Variants in GATB observed in about 807,000 individuals in gnomAD.
GATB encodes glutamyl-tRNA amidotransferase subunit B.
Under a neutral mutation model 62.3 loss-of-function variants are expected in GATB, and 39 were observed. The ratio of observed to expected loss-of-function variants is 0.63; its 90% CI spans 0.48 to 0.82. The LOEUF (loss-of-function observed/expected upper bound fraction) is 0.82, where lower values mean the gene tolerates loss of function less well. Ranked by LOEUF, GATB falls within the 40% of genes least tolerant of loss-of-function variation. The probability of loss-of-function intolerance (pLI) is 0.00; values close to 1 mark genes in which losing one functional copy is unlikely to be tolerated. For missense variants in GATB, 670 were observed against 684.0 expected (o/e 0.98, Z 0.23); for synonymous variants, 276 against 258.9 (o/e 1.07, Z -0.63).
At chr4:151,707,298 C>CT (rs930017253) in intron 6 of GATB, among the ~76,000 whole-genome samples, 24 of 151,422 alleles carry the variant, frequency 1.6e-4, no homozygotes, top group African/African-American at 4.1e-4. Context: ...ATGTAATTTT[C>CT]TTTTTTTTTC....
Position 151,697,912 on chromosome 4 carries a change from AC to A in GATB, c.1197+3416del, listed in dbSNP as rs1254674455. 2.6e-3 allele frequency among the ~76,000 whole-genome samples: 350 copies of A among 137,250 alleles called. 4 individuals are homozygous for A. Among genetic ancestry groups the A allele is most frequent in the African/African-American group, 8.8e-3 (302 of 34,144 alleles). The allele number at this position is 137,250 out of a possible 152,430, so 90.0% of individuals were successfully genotyped here. A position where few individuals can be genotyped will look rare whatever the true frequency, so the allele number is the denominator to read the frequency against. On this transcript the variant is annotated intron_variant, in intron 9 of 12. Coordinates refer to ENST00000263985, the MANE Select transcript of GATB (RefSeq NM_004564.3). The stretch of plus-strand genomic sequence containing the variant: ...GAGACTCCGTCTCAAAAACAAACAA[AC>A]AAACAAAAATCGATTTCATATATAT...
chr4:151,705,567 T>A (rs1040408718), intron 6 of GATB, among the ~76,000 whole-genome samples: 1 of 152,120 alleles, frequency 6.6e-6, no homozygotes, highest in Non-Finnish European at 1.5e-5. Flanking sequence ...CTGGGCCCAA[T>A]ATCTCGGTCT....
At chr4:151,725,430 T>C (rs2126982665) in intron 2 of GATB, among the ~76,000 whole-genome samples, 1 of 152,348 alleles carries the variant, frequency 6.6e-6, no homozygotes, top group East Asian at 1.9e-4. Context: ...TTCATTTCTG[T>C]CCTTTTTTCT....
intron 5 of GATB, among the ~76,000 whole-genome samples, chr4:151,714,294 G>A (rs1044599119): frequency 2.0e-5 from 3 of 152,176 alleles, no homozygotes; most frequent in Admixed American, 2.0e-4. Context: ...CCTCTTCAGG[G>A]TGGCCCTCAG....
chr4:151,705,067 AC>A lies in GATB; in HGVS notation c.962+117del, dbSNP rs991988452. On this transcript the variant is annotated intron_variant, in intron 7 of 12. Coordinates refer to ENST00000263985, the MANE Select transcript of GATB (RefSeq NM_004564.3). ...CTTTTCTAATTGTACTAATGAGGAAACCTAAAAGTGGAGACGCTACGTGCCT... is the reference window on the plus strand; with the variant it reads ...CTTTTCTAATTGTACTAATGAGGAAACTAAAAGTGGAGACGCTACGTGCCT... 8.4e-5 allele frequency: 56 copies of A among 666,674 alleles called. No homozygotes were observed. The African/African-American group carries it at 1.0e-3, about 12-fold the overall frequency. The allele number at this position is 666,674 out of a possible 1,614,324, so 41.3% of individuals were successfully genotyped here. A position where few individuals can be genotyped will look rare whatever the true frequency, so the allele number is the denominator to read the frequency against.
At chr4:151,701,611 T>C in intron 8 of GATB, 93 bp from the exon 9 acceptor site, 1 of 888,792 alleles carries the variant, frequency 1.1e-6, no homozygotes. Context: ...TTTCTGTGTT[T>C]AGATGCCATG....
chr4:151,682,386 T>G (rs550372524), intron 10 of GATB, among the ~76,000 whole-genome samples: 115 of 152,264 alleles, frequency 7.6e-4, no homozygotes, highest in Non-Finnish European at 1.4e-3. Context: ...CCTAAATAAA[T>G]AAACCCTCAG....
At position 151,744,870 on chromosome 4, in the gene GATB, A is replaced by T. The variant is rs17027832; in HGVS notation, c.327+13902T>A. Among the ~76,000 whole-genome samples the T allele has an allele frequency of 3.2e-3, 483 of 152,330 alleles. 2 individuals carry two copies. The highest frequency in any genetic ancestry group is 8.7e-3 in the African/African-American group (360 of 41,562). On this transcript the variant is annotated intron_variant, in intron 2 of 12. Transcript: ENST00000263985. Reference sequence around the variant, plus strand: ...GAGACATCCGGTTAACTAAGTTATAAGGCAGGTTTAGACCATCAGCAGAGT... The same window carrying T: ...GAGACATCCGGTTAACTAAGTTATATGGCAGGTTTAGACCATCAGCAGAGT...
rs540714603 is a variant in GATB, at chr4:151,675,285, C to T, written c.1411-2389G>A. On this transcript the variant is annotated intron_variant, in intron 11 of 12. Transcript: ENST00000263985. Reference sequence around the variant, plus strand: ...CAGCCTCCTGGAACACATGGGAGCCCGGTGGCTGAAATGTCCTTTCCTCCC... The same window carrying T: ...CAGCCTCCTGGAACACATGGGAGCCTGGTGGCTGAAATGTCCTTTCCTCCC... 5.3e-5 allele frequency: 8 copies of T among 152,248 alleles called. No homozygotes were observed. The East Asian group carries it at 9.7e-4, about 18-fold the overall frequency. The allele number at this position is 152,248 out of a possible 1,614,324, so 9.4% of individuals were successfully genotyped here.
chr4:151,679,961 G>A (rs974370064), intron 10 of GATB, 70 bp from the exon 11 acceptor site: 7 of 1,367,540 alleles, frequency 5.1e-6, no homozygotes, highest in Admixed American at 3.4e-5. Flanking sequence ...TGGCTGTTCG[G>A]AATCAGAACA....
chr4:151,738,254 A>G (rs888205300), intron 2 of GATB, among the ~76,000 whole-genome samples: 1 of 152,194 alleles, frequency 6.6e-6, no homozygotes, highest in Non-Finnish European at 1.5e-5. Flanking sequence ...CCTGGATGTG[A>G]GACGTGGAGT....
intron 2 of GATB, 88 bp from the exon 3 acceptor site, chr4:151,719,626 A>G: frequency 1.2e-6 from 1 of 852,998 alleles, no homozygotes; most frequent in Non-Finnish European, 1.8e-6. Context: ...TGAATATGCA[A>G]CTTGGCCCTT....
intron 9 of GATB, among the ~76,000 whole-genome samples, chr4:151,695,820 C>A (rs1196071884): frequency 6.6e-6 from 1 of 152,046 alleles, no homozygotes; most frequent in African/African-American, 2.4e-5. Context: ...TGCAGTGGCA[C>A]GACCACAGCT....
intron 10 of GATB, among the ~76,000 whole-genome samples, chr4:151,686,036 G>A (rs1448425674): frequency 1.3e-5 from 2 of 150,976 alleles, no homozygotes; most frequent in Non-Finnish European, 2.9e-5. Context: ...CTGGGTGACA[G>A]GGCGAGACTC....
chr4:151,725,396 T>A (rs9998462), intron 2 of GATB, among the ~76,000 whole-genome samples: 86,690 of 152,148 alleles, frequency 0.57, 26,473 homozygotes, highest in African/African-American at 0.81. Context: ...CATGACTACC[T>A]CAGCAAATAC....
Position 151,671,189 on chromosome 4 carries a change from C to T in GATB, c.1659G>A (p.Lys553=), listed in dbSNP as rs762539227. 2.3e-5 allele frequency: 37 copies of T among 1,614,212 alleles called. No individual in the cohort carries two copies. Among genetic ancestry groups the T allele is most frequent in the South Asian group, 6.6e-5 (6 of 91,078 alleles). ...DPVMIKEILE[K]KLSL ...CCCAAACATCTCACAATGACAGCTTCTTCTCCAGGATCTCCTTTATCATGA... is the reference window on the plus strand; with the variant it reads ...CCCAAACATCTCACAATGACAGCTTTTTCTCCAGGATCTCCTTTATCATGA... The change falls in exon 13 of 13, where the codon AAG becomes AAA. Residue 553 remains lysine (K), a synonymous_variant. Transcript: ENST00000263985.
intron 2 of GATB, among the ~76,000 whole-genome samples, chr4:151,747,159 C>T (rs948489860): frequency 6.6e-6 from 1 of 152,248 alleles, no homozygotes; most frequent in East Asian, 1.9e-4. Context: ...GATTTTACTA[C>T]CATTATTATT....
intron 2 of GATB, among the ~76,000 whole-genome samples, chr4:151,757,684 A>G (rs113399553): frequency 6.0e-4 from 91 of 152,178 alleles, no homozygotes; most frequent in African/African-American, 1.3e-3. Flanking sequence ...TCACCGTGTT[A>G]GCCAGGATGG....
intron 12 of GATB, among the ~76,000 whole-genome samples, 179 bp from the exon 13 acceptor site, chr4:151,671,481 C>T (rs1463341928): frequency 6.6e-6 from 1 of 152,080 alleles, no homozygotes; most frequent in African/African-American, 2.4e-5. Context: ...TTTCTAGGCT[C>T]CTGTCAAAGG....
Sources: allele counts gnomAD v4.1 joint callset (sites outside exome capture counted in the v4.1 genomes callset), GRCh38; gene constraint gnomAD v4.1.1; transcripts MANE v1.5; gene names NCBI Gene and HGNC (gene_info 2026-07-23, HGNC 2026-07-21).